The following TFPI variants were observed in gnomAD, a reference collection of about 807,000 sequenced individuals.
The protein encoded by TFPI is tissue factor pathway inhibitor.
A neutral mutation model predicts 34.6 loss-of-function variants in TFPI; 15 were observed. The observed-to-expected ratio is 0.43, with a 90% CI of 0.29 to 0.67. The LOEUF is 0.67. Ranked by LOEUF, TFPI falls within the 30% of genes least tolerant of loss-of-function variation. The probability of loss-of-function intolerance (pLI) is 0.15; values close to 1 mark genes in which losing one functional copy is unlikely to be tolerated. For missense variants in TFPI, 301 were observed against 364.0 expected, an observed-to-expected ratio of 0.83 and a Z score of 1.41; for synonymous variants, 105 against 120.1, an observed-to-expected ratio of 0.87 and a Z score of 0.82.
chr2:187,516,377 G>C (rs921486012), intron 1 of TFPI: 2 of 152,150 alleles, frequency 1.3e-5, no homozygotes, highest in East Asian at 3.9e-4. Context: ...GCACTAAAAG[G>C]ATTTAAAACT....
Position 187,492,703 on chromosome 2 carries a change from G to A in TFPI, c.319+4178C>T, listed in dbSNP as rs542755972. ...GCCCTGCTGGATTTTGGACTTCCAT[G>A]GGGCCTGTAGACCCTTTGTTTTGGC... On this transcript the variant is annotated intron_variant, in intron 3 of 7. Transcript: ENST00000233156. Among the ~76,000 whole-genome samples the A allele has an allele frequency of 2.6e-5, 4 of 152,256 alleles. No individual in the cohort carries two copies. The South Asian group carries it at 8.3e-4, about 32-fold the overall frequency.
intron 1 of TFPI, among the ~76,000 whole-genome samples, chr2:187,553,939 T>C (rs973368675): frequency 1.3e-5 from 2 of 152,164 alleles, no homozygotes; most frequent in Non-Finnish European, 2.9e-5. Context: ...CACCAATTAG[T>C]TACAAAAATG....
intron 1 of TFPI, among the ~76,000 whole-genome samples, chr2:187,536,871 A>G (rs185743396): frequency 6.6e-6 from 1 of 152,354 alleles, no homozygotes; most frequent in East Asian, 1.9e-4. Context: ...TAAGCTGAAA[A>G]GCAACTTCAG....
chr2:187,504,227 C>T (rs1686044203), intron 1 of TFPI, among the ~76,000 whole-genome samples: 1 of 151,954 alleles, frequency 6.6e-6, no homozygotes, highest in African/African-American at 2.4e-5. Flanking sequence ...TTATCTTTCC[C>T]TCTGCTCTAG....
chr2:187,548,990 A>G (rs1314861721), intron 1 of TFPI, among the ~76,000 whole-genome samples: 1 of 152,130 alleles, frequency 6.6e-6, no homozygotes, highest in Non-Finnish European at 1.5e-5. Flanking sequence ...TCTCTTTAAA[A>G]ATGCTTAATT....
intron 3 of TFPI, among the ~76,000 whole-genome samples, chr2:187,493,196 A>G (rs903501579): frequency 2.6e-5 from 4 of 152,158 alleles, no homozygotes; most frequent in Non-Finnish European, 4.4e-5. Context: ...CCAAACCTCA[A>G]TTCTTGACTT....
At chr2:187,470,240 G>T (rs1691955034) in intron 6 of TFPI, among the ~76,000 whole-genome samples, 1 of 152,186 alleles carries the variant, frequency 6.6e-6, no homozygotes, top group Non-Finnish European at 1.5e-5. Flanking sequence ...GTGGTTGTAA[G>T]TTGTATCCTT....
At chr2:187,533,729 C>T (rs915643152) in intron 1 of TFPI, among the ~76,000 whole-genome samples, 6 of 152,160 alleles carry the variant, frequency 3.9e-5, no homozygotes, top group Admixed American at 3.9e-4. Context: ...GATGAATTGA[C>T]AGAAGTGGCT....
intron 1 of TFPI, among the ~76,000 whole-genome samples, chr2:187,543,479 AC>A (rs1398673489): frequency 2.6e-5 from 4 of 152,244 alleles, no homozygotes; most frequent in African/African-American, 7.2e-5. Flanking sequence ...TGGTTTGGTA[AC>A]AGAAAATACT....
intron 6 of TFPI, among the ~76,000 whole-genome samples, chr2:187,474,399 A>G (rs1692238710): frequency 6.6e-6 from 1 of 152,184 alleles, no homozygotes; most frequent in South Asian, 2.1e-4. Flanking sequence ...AACACAAAAA[A>G]GAGTATAGTG....
chr2:187,548,441 G>T (rs1486574283), intron 1 of TFPI, among the ~76,000 whole-genome samples: 1 of 151,952 alleles, frequency 6.6e-6, no homozygotes, highest in Non-Finnish European at 1.5e-5. Flanking sequence ...GGTGTGTAAG[G>T]TTCTGAGAGA....
intron 1 of TFPI, among the ~76,000 whole-genome samples, chr2:187,540,910 A>G (rs28496412): frequency 6.6e-6 from 1 of 151,514 alleles, no homozygotes; most frequent in Non-Finnish European, 1.5e-5. Flanking sequence ...AAAAAAAAGA[A>G]AAAAGAAAAA....
chr2:187,545,075 C>T (rs998976976), intron 1 of TFPI, among the ~76,000 whole-genome samples: 1 of 151,920 alleles, frequency 6.6e-6, no homozygotes, highest in Admixed American at 6.6e-5. Context: ...CGTGCCACTG[C>T]GCTCCAGCCT....
chr2:187,497,569 T>A (rs1197053989), intron 2 of TFPI, among the ~76,000 whole-genome samples: 2 of 152,082 alleles, frequency 1.3e-5, no homozygotes, highest in Non-Finnish European at 2.9e-5. Context: ...GTGTTTGATG[T>A]TCTGAAAAAT....
intron 1 of TFPI, among the ~76,000 whole-genome samples, chr2:187,520,843 T>C (rs1296880314): frequency 1.3e-5 from 2 of 152,156 alleles, no homozygotes; most frequent in Admixed American, 1.3e-4. Context: ...ACTTACATTG[T>C]TGCTCAAATG....
chr2:187,478,841 C>A (rs748485798), intron 6 of TFPI: 3 of 1,546,208 alleles, frequency 1.9e-6, no homozygotes, highest in Admixed American at 3.3e-5. Context: ...AAATGTGAGT[C>A]ATCTTTATAT....
At chr2:187,482,975 CCTT>C (rs1434937220) in intron 6 of TFPI, among the ~76,000 whole-genome samples, 1 of 152,004 alleles carries the variant, frequency 6.6e-6, no homozygotes, top group African/African-American at 2.4e-5. Flanking sequence ...TTCAAATCCT[CCTT>C]GTGATTTCCA....
At chr2:187,474,693 C>T (rs1692259097) in intron 6 of TFPI, among the ~76,000 whole-genome samples, 1 of 152,020 alleles carries the variant, frequency 6.6e-6, no homozygotes, top group African/African-American at 2.4e-5. Flanking sequence ...AGGTAGAGAG[C>T]TAGAGATGAA....
At chr2:187,532,893 G>T (rs1688043250) in intron 1 of TFPI, among the ~76,000 whole-genome samples, 1 of 152,166 alleles carries the variant, frequency 6.6e-6, no homozygotes, top group African/African-American at 2.4e-5. Context: ...GCTTTGTCAG[G>T]GGAGGGGCAT....
Sources: allele counts gnomAD v4.1 joint callset (sites outside exome capture counted in the v4.1 genomes callset), GRCh38; gene constraint gnomAD v4.1.1; transcripts MANE v1.5; gene names NCBI Gene and HGNC (gene_info 2026-07-23, HGNC 2026-07-21).